The following DIXDC1 variants were observed in gnomAD, a reference collection of about 807,000 sequenced individuals.
The protein encoded by DIXDC1 is dixin.
DIXDC1 carries 64 observed loss-of-function variants against 103.1 expected under a neutral mutation model. The observed-to-expected ratio is 0.62, with a 90% CI of 0.51 to 0.76. The LOEUF is 0.76. Among genes scored for constraint, DIXDC1 ranks in the 30% least tolerant of loss-of-function variants. DIXDC1 has a pLI of 0.00. For synonymous variants in DIXDC1, 266 were observed against 298.5 expected, an observed-to-expected ratio of 0.89 and a Z score of 1.12; for missense variants, 759 against 834.2, an observed-to-expected ratio of 0.91 and a Z score of 1.11.
rs1555174194 is a variant in DIXDC1 at position 111,989,002 on chromosome 11, C to T, written c.1063-3C>T. 3 of 1,610,124 alleles carry T rather than the reference C, an allele frequency of 1.9e-6. No homozygotes were observed. The highest frequency in any genetic ancestry group is 2.2e-5 in the South Asian group (2 of 89,988). ...ATCTGATCTAACTATATTTGGTTTGCAGAAGGAACTGCTGAAATGTAAACA... is the reference window on the plus strand; with the variant it reads ...ATCTGATCTAACTATATTTGGTTTGTAGAAGGAACTGCTGAAATGTAAACA... On this transcript the variant is annotated splice_polypyrimidine_tract_variant and splice_region_variant and intron_variant, in intron 9 of 19. Coordinates refer to ENST00000440460, the MANE Select transcript of DIXDC1 (RefSeq NM_001037954.4).
Position 111,976,719 on chromosome 11 carries a change from T to A in DIXDC1, c.656+1736T>A, listed in dbSNP as rs782312665. Among the ~76,000 whole-genome samples the A allele has an allele frequency of 6.6e-6, 1 of 152,022 alleles. No homozygotes were observed. Among genetic ancestry groups the A allele is most frequent in the South Asian group, 2.1e-4 (1 of 4,828 alleles). On this transcript the variant is annotated intron_variant, in intron 5 of 19. Coordinates refer to ENST00000440460, the MANE Select transcript of DIXDC1 (RefSeq NM_001037954.4). This position sits in a 1 kb window ranked among gnomAD's most constrained non-coding sequence, Gnocchi z 4.3. Reference sequence around the variant, plus strand: ...CTCAGAAGGAAGGATAGCCCCTGGGTGTCTCATTCCCTGCCACTGCTCCTC... The same window carrying A: ...CTCAGAAGGAAGGATAGCCCCTGGGAGTCTCATTCCCTGCCACTGCTCCTC...
chr11:111,968,248 A>G (rs1005860728), intron 2 of DIXDC1, among the ~76,000 whole-genome samples: 3 of 152,220 alleles, frequency 2.0e-5, no homozygotes, highest in Non-Finnish European at 4.4e-5. Context: ...TTGCCACTCA[A>G]TAGATGCTGA....
chr11:111,982,202 TG>T, intron 6 of DIXDC1, 136 bp from the exon 7 acceptor site: 1 of 901,274 alleles, frequency 1.1e-6, no homozygotes, highest in Non-Finnish European at 1.6e-6. Context: ...CCCCACCTGG[TG>T]GAGAGTCCAG....
upstream of DIXDC1, among the ~76,000 whole-genome samples, chr11:111,936,292 A>C (rs146444704): frequency 6.6e-6 from 1 of 152,392 alleles, no homozygotes; most frequent in African/African-American, 2.4e-5. Context: ...TATAGAAACA[A>C]GAGTTTGCAC....
intron 1 of DIXDC1, among the ~76,000 whole-genome samples, chr11:111,949,901 C>T (rs1337643212): frequency 6.6e-6 from 1 of 152,142 alleles, no homozygotes; most frequent in Non-Finnish European, 1.5e-5. Context: ...CCTGTTGCTC[C>T]TTCTCTGCAT....
chr11:111,970,584 A>G (rs1199572929), intron 3 of DIXDC1, among the ~76,000 whole-genome samples: 1 of 151,838 alleles, frequency 6.6e-6, no homozygotes, highest in African/African-American at 2.4e-5. Context: ...ATAGCTTGAA[A>G]GCAGGAGGCC....
upstream of DIXDC1, among the ~76,000 whole-genome samples, chr11:111,936,938 C>T: frequency 6.6e-6 from 1 of 151,260 alleles, no homozygotes; most frequent in Non-Finnish European, 1.5e-5. Context: ...TGTGCGCGCG[C>T]GCGGCTGCAA....
intron 3 of DIXDC1, among the ~76,000 whole-genome samples, chr11:111,970,594 C>T (rs1259499436): frequency 2.7e-5 from 4 of 150,610 alleles, no homozygotes; most frequent in Admixed American, 6.6e-5. Context: ...AGCAGGAGGC[C>T]GAGGTTCCAG....
At chr11:111,967,577 C>T (rs1239745186) in intron 2 of DIXDC1, among the ~76,000 whole-genome samples, 1 of 152,154 alleles carries the variant, frequency 6.6e-6, no homozygotes, top group Non-Finnish European at 1.5e-5. Flanking sequence ...AGTCTATTTC[C>T]ACGCAGAGTC....
chr11:111,956,359 A>T (rs1355102134), intron 1 of DIXDC1, among the ~76,000 whole-genome samples: 4 of 152,162 alleles, frequency 2.6e-5, no homozygotes, highest in African/African-American at 9.7e-5. Context: ...AATATGGTAA[A>T]TTTTTTGTTT....
At chr11:111,930,850 T>A (rs1210857742) in intron 2 of DIXDC1, among the ~76,000 whole-genome samples, 2 of 114,080 alleles carry the variant, frequency 1.8e-5, no homozygotes, top group African/African-American at 4.8e-5. Flanking sequence ...CTTTCTTTCC[T>A]TTTTTTTTTT....
chr11:111,932,788 G>A (rs1232268305), upstream of DIXDC1, among the ~76,000 whole-genome samples: 3 of 152,056 alleles, frequency 2.0e-5, no homozygotes, highest in African/African-American at 7.2e-5. Context: ...CTAGTCATCG[G>A]ATTCTCAGTT....
intron 17 of DIXDC1, among the ~76,000 whole-genome samples, chr11:112,014,758 T>A (rs1861535254): frequency 6.6e-6 from 1 of 152,254 alleles, no homozygotes; most frequent in South Asian, 2.1e-4. Context: ...AATGAATGAA[T>A]AAATTAAATA....
upstream of DIXDC1, among the ~76,000 whole-genome samples, chr11:111,936,835 T>C (rs1966201742): frequency 6.7e-6 from 1 of 150,158 alleles, no homozygotes. Flanking sequence ...GTTTGTGGCC[T>C]TAAGTTAGCA....
intron 9 of DIXDC1, among the ~76,000 whole-genome samples, chr11:111,988,040 C>T (rs1415398030): frequency 1.3e-5 from 2 of 151,942 alleles, no homozygotes; most frequent in African/African-American, 4.8e-5. Flanking sequence ...CACTCTGTCA[C>T]CCAGGCTGAG....
chr11:111,945,608 CTT>C (rs77496804), intron 1 of DIXDC1: 15 of 148,348 alleles, frequency 1.0e-4, no homozygotes, highest in Middle Eastern at 3.5e-3. Context: ...AAATATAATT[CTT>C]TTTTTTTTTA....
Position 111,929,749 on chromosome 11 carries a change from T to G in DIXDC1, c.-36-69T>G, listed in dbSNP as rs587640527. On this transcript the variant is annotated intron_variant, in intron 1 of 5. Transcript: ENST00000529225. ...GGGGAGGGGTCTGGCCCCAACTCGG[T>G]TAGTTGAGCTTTAAATTTTTTTTTT... 76 of 1,010,026 alleles carry G rather than the reference T, an allele frequency of 7.5e-5. No homozygotes were observed. In the South Asian group the frequency reaches 1.2e-3, roughly 16 times the overall value. 62.6% of individuals were successfully genotyped at this position (1,010,026 alleles called of 1,614,324 possible). A position where few individuals can be genotyped will look rare whatever the true frequency, so the allele number is the denominator to read the frequency against.
At chr11:112,015,041 C>T (rs11214064) in intron 17 of DIXDC1, among the ~76,000 whole-genome samples, 1 of 152,190 alleles carries the variant, frequency 6.6e-6, no homozygotes, top group East Asian at 1.9e-4. Flanking sequence ...CATGCCACCA[C>T]GCCTGGCTAA....
upstream of DIXDC1, chr11:111,937,120 T>A: frequency 1.6e-6 from 1 of 623,062 alleles, no homozygotes; most frequent in Non-Finnish European, 1.9e-6. Context: ...ACGCCCGTGC[T>A]GCGGCCCGGG....
Sources: gnomAD v4.1 joint callset for allele counts (sites outside exome capture counted in the v4.1 genomes callset) on GRCh38, gnomAD v4.1.1 for gene constraint, Gnocchi (gnomAD v3.1) non-coding constraint, MANE v1.5 for transcripts, NCBI Gene and HGNC (gene_info 2026-07-23, HGNC 2026-07-21) for gene names.